The following GLRA2 variants were observed in gnomAD, a reference collection of about 807,000 sequenced individuals.
GLRA2 encodes glycine receptor alpha 2, also known as glycine receptor subunit alpha-2.
In GLRA2, 11 loss-of-function variants were observed where a neutral mutation model predicts 31.6. That is an observed-to-expected ratio of 0.35 (90% CI 0.22 to 0.58). The LOEUF is 0.58. GLRA2 is among the 20% of genes least tolerant of loss of function. The probability of loss-of-function intolerance (pLI) is 0.84; values close to 1 mark genes in which losing one functional copy is unlikely to be tolerated. For synonymous variants in GLRA2, 132 were observed against 134.0 expected (o/e 0.99, Z 0.10); for missense variants, 212 against 351.8 (o/e 0.60, Z 3.18).
At chrX:14,687,750 C>T (rs1461198273) in intron 7 of GLRA2, among the ~76,000 whole-genome samples, 1 of 112,079 alleles carries the variant, frequency 8.9e-6, no homozygotes, top group Admixed American at 9.4e-5. Context: ...TGGGTTCGAA[C>T]TTCTTCCTTT....
intron 2 of GLRA2, among the ~76,000 whole-genome samples, chrX:14,566,960 C>T: frequency 9.0e-6 from 1 of 110,912 alleles, no homozygotes; most frequent in Non-Finnish European, 1.9e-5. Context: ...TGCTGTGTAC[C>T]CTCCAGGGTA....
At chrX:14,705,830 AATGTTGAC>A (rs1385316343) in intron 8 of GLRA2, among the ~76,000 whole-genome samples, 1 of 111,896 alleles carries the variant, frequency 8.9e-6, no homozygotes, top group Non-Finnish European at 1.9e-5. Flanking sequence ...TGCTTTTCAA[AATGTTGAC>A]ATGTTGACAT....
the GLRA2 span, among the ~76,000 whole-genome samples, chrX:14,477,211 G>A: frequency 8.8e-4 from 99 of 111,909 alleles, 1 homozygote; most frequent in Non-Finnish European, 9.6e-4. Flanking sequence ...TACTGCAGTG[G>A]TCATAGCAGT....
the GLRA2 span, among the ~76,000 whole-genome samples, chrX:14,449,103 G>A: frequency 5.7e-4 from 64 of 112,379 alleles, no homozygotes; most frequent in African/African-American, 2.0e-3. Flanking sequence ...TGGTGTACTC[G>A]TGAACCTGAC....
intron 8 of GLRA2, among the ~76,000 whole-genome samples, chrX:14,716,067 C>T (rs757443630): frequency 1.8e-5 from 2 of 111,347 alleles, no homozygotes; most frequent in South Asian, 7.6e-4. Context: ...TATGCATACT[C>T]ACGAAGCTGA....
Position 14,600,507 on chromosome X carries a change from T to A in GLRA2, c.495-3808T>A, listed in dbSNP as rs190347960. On this transcript the variant is annotated intron_variant, in intron 4 of 8. Transcript: ENST00000218075. ...TCCATATGCCATCTAATTATTTTCA[T>A]ATAATGAACATTTTTTTAATTTAAA... Among the ~76,000 whole-genome samples the A allele has an allele frequency of 7.2e-4, 80 of 111,525 alleles. 3 individuals are homozygous for A. In the East Asian group the frequency reaches 0.021, roughly 30 times the overall value.
At chrX:14,617,135 C>T (rs2090462787) in intron 7 of GLRA2, among the ~76,000 whole-genome samples, 1 of 111,481 alleles carries the variant, frequency 9.0e-6, no homozygotes. Context: ...TGGTGAGGCT[C>T]GTAAGCCTTT....
At chrX:14,507,281 T>C in the GLRA2 span, among the ~76,000 whole-genome samples, 6 of 112,545 alleles carry the variant, frequency 5.3e-5, no homozygotes, top group African/African-American at 1.9e-4. Context: ...TGAAATGTTC[T>C]ACCACTGATT....
chrX:14,657,821 TA>T (rs1242259550), intron 7 of GLRA2, among the ~76,000 whole-genome samples: 1 of 112,168 alleles, frequency 8.9e-6, no homozygotes, highest in Non-Finnish European at 1.9e-5. Context: ...AATGTAACCA[TA>T]ATGGGTCTCC....
intron 2 of GLRA2, among the ~76,000 whole-genome samples, 186 bp downstream of exon 2, chrX:14,532,558 T>G (rs2089271005): frequency 8.9e-6 from 1 of 112,215 alleles, no homozygotes; most frequent in South Asian, 3.6e-4. Context: ...TTCCCACATT[T>G]GAAAACTTTC....
At chrX:14,473,972 G>A in the GLRA2 span, among the ~76,000 whole-genome samples, 6 of 111,457 alleles carry the variant, frequency 5.4e-5, no homozygotes, top group Non-Finnish European at 5.6e-5. Context: ...CATTTTCAGC[G>A]TCGTTTTTTA....
intron 8 of GLRA2, among the ~76,000 whole-genome samples, chrX:14,694,617 T>C (rs2091413868): frequency 8.9e-6 from 1 of 111,812 alleles, no homozygotes; most frequent in Non-Finnish European, 1.9e-5. Flanking sequence ...TGTTGATGGC[T>C]TAGATTATGG....
the GLRA2 span, among the ~76,000 whole-genome samples, chrX:14,451,903 A>G: frequency 4.5e-5 from 5 of 112,038 alleles, no homozygotes; most frequent in African/African-American, 1.3e-4. Context: ...TGAATTCAAC[A>G]ACAAGATTTA....
At chrX:14,715,797 A>G (rs995157866) in intron 8 of GLRA2, among the ~76,000 whole-genome samples, 2 of 111,772 alleles carry the variant, frequency 1.8e-5, no homozygotes, top group Non-Finnish European at 3.8e-5. Flanking sequence ...TGAATGTCAC[A>G]CAAAGGAGCT....
Position 14,664,909 on chromosome X carries a change from A to G in GLRA2, c.931-25801A>G, listed in dbSNP as rs1311292206. Among the ~76,000 whole-genome samples, 3 of 111,728 alleles carry G rather than the reference A, an allele frequency of 2.7e-5. No individual in the cohort carries two copies. The Admixed American group carries it at 2.9e-4, about 11-fold the overall frequency. On this transcript the variant is annotated intron_variant, in intron 7 of 8. Coordinates refer to ENST00000218075, the MANE Select transcript of GLRA2 (RefSeq NM_002063.4). ...GGAAAATCTTCCAAACAAGTTCTAT[A>G]ATTCTCAGTCAGACACTGGCAGCCT...
At chrX:14,477,413 C>T in the GLRA2 span, among the ~76,000 whole-genome samples, 1 of 111,881 alleles carries the variant, frequency 8.9e-6, no homozygotes, top group Non-Finnish European at 1.9e-5. Context: ...TGGCCAAAAT[C>T]ATGGTCAAGA....
the GLRA2 span, among the ~76,000 whole-genome samples, chrX:14,489,677 G>A: frequency 1.8e-5 from 2 of 111,523 alleles, no homozygotes; most frequent in Non-Finnish European, 3.8e-5. Context: ...CAGAGGCTCT[G>A]CCAAGGAGCC....
intron 2 of GLRA2, among the ~76,000 whole-genome samples, chrX:14,538,882 C>T (rs2089362272): frequency 1.8e-5 from 2 of 111,571 alleles, no homozygotes; most frequent in African/African-American, 6.5e-5. Flanking sequence ...TTTGGTCTCA[C>T]AACATGGCAG....
At chrX:14,643,994 C>T (rs978049878) in intron 7 of GLRA2, among the ~76,000 whole-genome samples, 1 of 111,476 alleles carries the variant, frequency 9.0e-6, no homozygotes, top group African/African-American at 3.3e-5. Flanking sequence ...GTGTCTAACA[C>T]AGAGCTAAAA....
Sources: gnomAD v4.1 joint callset for allele counts (sites outside exome capture counted in the v4.1 genomes callset) on GRCh38, gnomAD v4.1.1 for gene constraint, MANE v1.5 for transcripts, NCBI Gene and HGNC (gene_info 2026-07-23, HGNC 2026-07-21) for gene names.